The following PHKB variants were observed in gnomAD, a reference collection of about 807,000 sequenced individuals.
PHKB encodes phosphorylase kinase regulatory subunit beta.
In PHKB, 122 loss-of-function variants were observed where a neutral mutation model predicts 152.1. The ratio of observed to expected loss-of-function variants is 0.80; its 90% CI spans 0.69 to 0.93. The LOEUF (loss-of-function observed/expected upper bound fraction) is 0.93. Among genes scored for constraint, PHKB ranks in the 40% least tolerant of loss-of-function variants. PHKB has a pLI of 0.00. For missense variants in PHKB, 1,304 were observed against 1,328.4 expected (o/e 0.98, Z 0.29); for synonymous variants, 436 against 464.9 (o/e 0.94, Z 0.80).
At chr16:47,494,442 G>T (rs1208093888) in intron 1 of PHKB, among the ~76,000 whole-genome samples, 1 of 152,208 alleles carries the variant, frequency 6.6e-6, no homozygotes, top group Non-Finnish European at 1.5e-5. Flanking sequence ...GGAACTGGAA[G>T]ATAATGGGTA....
At chr16:47,685,983 C>G (rs574477105) in intron 26 of PHKB, among the ~76,000 whole-genome samples, 2 of 152,080 alleles carry the variant, frequency 1.3e-5, no homozygotes, top group Non-Finnish European at 2.9e-5. Flanking sequence ...CCTCATGATC[C>G]GCTGCCTCAG....
intron 14 of PHKB, among the ~76,000 whole-genome samples, chr16:47,632,727 A>G (rs1972848433): frequency 6.6e-6 from 1 of 152,192 alleles, no homozygotes. Context: ...AAGAGCAAGG[A>G]AAAGAAACAC....
At chr16:47,548,861 A>G (rs1971221708) in intron 7 of PHKB, among the ~76,000 whole-genome samples, 1 of 152,164 alleles carries the variant, frequency 6.6e-6, no homozygotes, top group Non-Finnish European at 1.5e-5. Context: ...AATTGTTGTC[A>G]TTGTTGTAAT....
chr16:47,524,855 T>C (rs1970740518), intron 6 of PHKB, among the ~76,000 whole-genome samples: 1 of 152,224 alleles, frequency 6.6e-6, no homozygotes, highest in Non-Finnish European at 1.5e-5. Context: ...TGGGAAGTCT[T>C]AAAAGGGAAC....
chr16:47,650,677 G>GT, intron 19 of PHKB, 51 bp downstream of exon 19: 1 of 1,351,454 alleles, frequency 7.4e-7, no homozygotes, highest in Non-Finnish European at 1.1e-6. Flanking sequence ...CATGAACACA[G>GT]TGAGCCCTTG....
In PHKB at chr16:47,477,176, G is replaced by C. The variant is rs116467810; in HGVS notation, c.76+15750G>C. ...TCTGCATTTCAGGTTTCAATTAATTGCTCTACTGGTTCCCATGACATTTTA... is the reference window on the plus strand; with the variant it reads ...TCTGCATTTCAGGTTTCAATTAATTCCTCTACTGGTTCCCATGACATTTTA... On this transcript the variant is annotated intron_variant, in intron 1 of 30. Coordinates refer to ENST00000323584, the MANE Select transcript of PHKB (RefSeq NM_000293.3). 1.7e-3 allele frequency among the ~76,000 whole-genome samples: 254 copies of C among 152,182 alleles called. 2 individuals are homozygous for C. The highest frequency in any genetic ancestry group is 5.7e-3 in the African/African-American group (235 of 41,524).
intron 10 of PHKB, among the ~76,000 whole-genome samples, chr16:47,592,970 A>G (rs1317259215): frequency 6.6e-6 from 1 of 152,148 alleles, no homozygotes; most frequent in Non-Finnish European, 1.5e-5. Flanking sequence ...GGCTGGCCAC[A>G]GTGGTTCATG....
chr16:47,608,807 C>A (rs1200346595), intron 13 of PHKB, among the ~76,000 whole-genome samples: 1 of 152,210 alleles, frequency 6.6e-6, no homozygotes, highest in Admixed American at 6.5e-5. Context: ...ACTCTGTATT[C>A]TATTTCTGTC....
chr16:47,688,983 G>C lies in PHKB; in HGVS notation c.2631-58G>C, dbSNP rs933801749. ...GCTATTAAGGGCATTGCTGAGAGAA[G>C]CAGAAGGTGATTTTATTTCAAGAGT... On this transcript the variant is annotated intron_variant, in intron 26 of 30. Transcript: ENST00000323584. 8.8e-6 allele frequency: 14 copies of C among 1,590,806 alleles called. No homozygotes were observed. In the East Asian group the frequency reaches 3.1e-4, roughly 36 times the overall value.
chr16:47,616,982 T>G (rs1037125839), intron 14 of PHKB, among the ~76,000 whole-genome samples: 8 of 151,510 alleles, frequency 5.3e-5, no homozygotes, highest in African/African-American at 1.9e-4. Flanking sequence ...TAAGAACACC[T>G]TAAGTAGTTT....
intron 14 of PHKB, among the ~76,000 whole-genome samples, chr16:47,633,964 C>T (rs59600822): frequency 1.6e-3 from 242 of 152,232 alleles, no homozygotes; most frequent in African/African-American, 5.4e-3. Flanking sequence ...GACCATAAAT[C>T]GCAGACAATG....
intron 1 of PHKB, among the ~76,000 whole-genome samples, chr16:47,473,640 A>T (rs1478033913): frequency 6.6e-6 from 1 of 152,004 alleles, no homozygotes; most frequent in Non-Finnish European, 1.5e-5. Flanking sequence ...TATTTCACAA[A>T]TTTTCTTGAG....
intron 14 of PHKB, 113 bp from the exon 15 acceptor site, chr16:47,640,922 C>A: frequency 1.0e-6 from 1 of 973,106 alleles, no homozygotes; most frequent in East Asian, 2.4e-5. Flanking sequence ...AGCTGGTGTC[C>A]ATCATTTTAA....
intron 4 of PHKB, among the ~76,000 whole-genome samples, chr16:47,506,740 T>C (rs1000265495): frequency 6.6e-6 from 1 of 152,182 alleles, no homozygotes; most frequent in Non-Finnish European, 1.5e-5. Flanking sequence ...TTGGCTTCCC[T>C]GGGCCATATG....
intron 26 of PHKB, among the ~76,000 whole-genome samples, chr16:47,685,761 A>C (rs1183150216): frequency 2.2e-5 from 3 of 137,416 alleles, no homozygotes; most frequent in Non-Finnish European, 4.6e-5. Context: ...TTTTTTTTTG[A>C]GACAGAGTCT....
At chr16:47,486,218 T>C (rs541058284) in intron 1 of PHKB, among the ~76,000 whole-genome samples, 1 of 152,258 alleles carries the variant, frequency 6.6e-6, no homozygotes, top group East Asian at 1.9e-4. Context: ...TTAACTGCTG[T>C]GGGAATTAAA....
intron 7 of PHKB, among the ~76,000 whole-genome samples, chr16:47,576,920 G>A (rs980753067): frequency 6.6e-6 from 1 of 151,686 alleles, no homozygotes; most frequent in Non-Finnish European, 1.5e-5. Context: ...TCTTTCAATT[G>A]GTGTATTTCA....
rs542545786 is a variant in PHKB at position 47,699,646 on chromosome 16, G to C, written c.*280G>C. The C allele has an allele frequency of 1.8e-5, 8 of 449,164 alleles. No individual in the cohort carries two copies. The highest frequency in any genetic ancestry group is 3.3e-5 in the Non-Finnish European group (8 of 243,042). The allele number at this position is 449,164 out of a possible 1,614,324, so 27.8% of individuals were successfully genotyped here. A position where few individuals can be genotyped will look rare whatever the true frequency, so the allele number is the denominator to read the frequency against. On this transcript the variant is annotated 3_prime_UTR_variant, in exon 31 of 31. Transcript: ENST00000323584. The stretch of plus-strand genomic sequence containing the variant: ...ATAGTTTATGAATTGAAAATTTGCC[G>C]CTGCATGTTGTATGATCAAATAGTT...
At chr16:47,638,916 C>T (rs1254328433) in intron 14 of PHKB, among the ~76,000 whole-genome samples, 1 of 152,118 alleles carries the variant, frequency 6.6e-6, no homozygotes, top group Non-Finnish European at 1.5e-5. Flanking sequence ...AAATGCCATT[C>T]AGAAAAGAAG....
Sources: gnomAD v4.1 joint callset for allele counts (sites outside exome capture counted in the v4.1 genomes callset) on GRCh38, gnomAD v4.1.1 for gene constraint, MANE v1.5 for transcripts, NCBI Gene and HGNC (gene_info 2026-07-23, HGNC 2026-07-21) for gene names.